Variants in EYA4 observed in about 807,000 individuals in gnomAD.
The protein encoded by EYA4 is EYA transcriptional coactivator and phosphatase 4.
A neutral mutation model predicts 87.9 loss-of-function variants in EYA4; 31 were observed. The observed-to-expected ratio is 0.35, with a 90% CI of 0.27 to 0.48. The LOEUF is 0.48. Ranked by LOEUF, EYA4 falls within the 20% of genes least tolerant of loss-of-function variation. The pLI is 0.99. For missense variants in EYA4, 678 were observed against 761.4 expected, an observed-to-expected ratio of 0.89 and a Z score of 1.29; for synonymous variants, 263 against 270.6, an observed-to-expected ratio of 0.97 and a Z score of 0.28.
chr6:133,369,584 A>C (rs1785112054), intron 2 of EYA4, among the ~76,000 whole-genome samples: 1 of 152,208 alleles, frequency 6.6e-6, no homozygotes, highest in Non-Finnish European at 1.5e-5. Context: ...AGAGTGAAGT[A>C]ATAATGAAAG....
chr6:133,389,175 A>G (rs1787039216), intron 3 of EYA4, among the ~76,000 whole-genome samples: 1 of 152,168 alleles, frequency 6.6e-6, no homozygotes, highest in Non-Finnish European at 1.5e-5. Context: ...TCACTAGTAT[A>G]GAGACTTAGA....
intron 10 of EYA4, among the ~76,000 whole-genome samples, chr6:133,466,509 C>A (rs576855723): frequency 6.6e-6 from 1 of 152,178 alleles, no homozygotes; most frequent in South Asian, 2.1e-4. Flanking sequence ...CCTCATAGAG[C>A]TTACAGCCTA....
intron 2 of EYA4, among the ~76,000 whole-genome samples, chr6:133,288,012 C>T (rs1012917625): frequency 2.6e-5 from 4 of 152,070 alleles, no homozygotes; most frequent in Admixed American, 2.6e-4. Context: ...ACCTGTAATC[C>T]CAGCTACTCG....
At chr6:133,515,217 A>T in intron 16 of EYA4, 104 bp from the exon 17 acceptor site, 1 of 751,640 alleles carries the variant, frequency 1.3e-6, no homozygotes, top group Non-Finnish European at 2.5e-6. Flanking sequence ...TTTCTGATAT[A>T]TACTGAAATA....
At chr6:133,410,367 A>G (rs1030165962) in intron 3 of EYA4, among the ~76,000 whole-genome samples, 1 of 151,976 alleles carries the variant, frequency 6.6e-6, no homozygotes, top group Non-Finnish European at 1.5e-5. Flanking sequence ...TTTAAATTGG[A>G]TATAAACTTT....
intron 14 of EYA4, among the ~76,000 whole-genome samples, chr6:133,506,569 G>A (rs6912435): frequency 0.041 from 6,204 of 152,208 alleles, 451 homozygotes; most frequent in African/African-American, 0.14. Flanking sequence ...TGGTGATAGC[G>A]TGGATCAATT....
chr6:133,247,214 G>A (rs949806019), intron 1 of EYA4: 17 of 152,182 alleles, frequency 1.1e-4, no homozygotes, highest in African/African-American at 3.9e-4. Context: ...AATAACCACA[G>A]TCATGAAGGC....
chr6:133,249,562 C>T (rs531082938), intron 1 of EYA4, among the ~76,000 whole-genome samples: 1 of 152,184 alleles, frequency 6.6e-6, no homozygotes, highest in Admixed American at 6.5e-5. Context: ...TTGCTCTTCT[C>T]ATCTCTCACT....
intron 2 of EYA4, among the ~76,000 whole-genome samples, chr6:133,317,332 C>A (rs1780705845): frequency 6.6e-6 from 1 of 152,156 alleles, no homozygotes; most frequent in Non-Finnish European, 1.5e-5. Context: ...TATAAATAAA[C>A]AGCCAAAGAT....
At chr6:133,451,993 A>G (rs1036170772) in intron 5 of EYA4, among the ~76,000 whole-genome samples, 1 of 152,124 alleles carries the variant, frequency 6.6e-6, no homozygotes, top group African/African-American at 2.4e-5. Context: ...GGCTTCATCA[A>G]ATTATTTTAC....
intron 2 of EYA4, among the ~76,000 whole-genome samples, chr6:133,310,003 A>T (rs1020738031): frequency 9.2e-5 from 14 of 152,310 alleles, no homozygotes; most frequent in African/African-American, 2.6e-4. Flanking sequence ...TCTTAAACAG[A>T]CAATCTTCTC....
intron 2 of EYA4, among the ~76,000 whole-genome samples, chr6:133,284,541 G>A (rs1443232655): frequency 6.6e-6 from 1 of 152,152 alleles, no homozygotes; most frequent in East Asian, 1.9e-4. Context: ...TGATAGTTCA[G>A]CAAATTCAAT....
chr6:133,447,814 T>G (rs1025383533), intron 4 of EYA4, among the ~76,000 whole-genome samples: 53 of 152,226 alleles, frequency 3.5e-4, no homozygotes, highest in African/African-American at 1.1e-3. Flanking sequence ...CAATTGCAAA[T>G]GTATAGAATA....
At chr6:133,493,531 C>G (rs1378134858) in intron 13 of EYA4, among the ~76,000 whole-genome samples, 1 of 152,124 alleles carries the variant, frequency 6.6e-6, no homozygotes, top group East Asian at 1.9e-4. Context: ...GGACATTGGA[C>G]TAGGGAAAGA....
chr6:133,280,951 T>A (rs1777573936), intron 2 of EYA4, among the ~76,000 whole-genome samples: 1 of 152,206 alleles, frequency 6.6e-6, no homozygotes, highest in South Asian at 2.1e-4. Flanking sequence ...GGACCTTTCA[T>A]ATAAATTGAG....
intron 2 of EYA4, among the ~76,000 whole-genome samples, chr6:133,309,859 C>T (rs1780083118): frequency 6.6e-6 from 1 of 152,128 alleles, no homozygotes; most frequent in Non-Finnish European, 1.5e-5. Flanking sequence ...GATTATGAAA[C>T]AGTATTCTGT....
chr6:133,495,445 G>T (rs1797569498), intron 13 of EYA4, among the ~76,000 whole-genome samples: 1 of 148,052 alleles, frequency 6.8e-6, no homozygotes, highest in Non-Finnish European at 1.5e-5. Flanking sequence ...TAAATATAAA[G>T]AAATATATTC....
intron 2 of EYA4, among the ~76,000 whole-genome samples, chr6:133,319,798 C>G (rs1780929873): frequency 6.6e-6 from 1 of 151,510 alleles, no homozygotes; most frequent in South Asian, 2.1e-4. Context: ...CTCACTGCAG[C>G]CTCAATTTCC....
chr6:133,506,085 A>G, intron 13 of EYA4, 21 bp from the exon 14 acceptor site: 1 of 1,427,366 alleles, frequency 7.0e-7, no homozygotes, highest in Admixed American at 1.7e-5. Flanking sequence ...TTACCTCATT[A>G]TGTGTACATT....
Sources: allele counts gnomAD v4.1 joint callset (sites outside exome capture counted in the v4.1 genomes callset), GRCh38; gene constraint gnomAD v4.1.1; transcripts MANE v1.5; gene names NCBI Gene and HGNC (gene_info 2026-07-23, HGNC 2026-07-21).